ZFP3: variants seen among roughly 807,000 people sequenced by gnomAD.
ZFP3 encodes zinc finger protein 3 homolog.
Under a neutral mutation model 36.7 loss-of-function variants are expected in ZFP3, and 18 were observed. The observed-to-expected ratio is 0.49, with a 90% CI of 0.34 to 0.73. The LOEUF (loss-of-function observed/expected upper bound fraction) is 0.73, where lower values mean the gene tolerates loss of function less well. ZFP3 is among the 30% of genes least tolerant of loss of function. The pLI is 0.01. For missense variants in ZFP3, 495 were observed against 599.0 expected, an observed-to-expected ratio of 0.83 and a Z score of 1.81; for synonymous variants, 218 against 199.0, an observed-to-expected ratio of 1.10 and a Z score of -0.81.
rs2072172657 is a variant in ZFP3 at position 5,094,950 on chromosome 17, A to T, written c.*1937A>T. On this transcript the variant is annotated 3_prime_UTR_variant, in exon 2 of 2. Coordinates refer to ENST00000318833, the MANE Select transcript of ZFP3 (RefSeq NM_153018.3). ...AAGAAGGGGCAGTGTTAAGTAATTG[A>T]CCCATGATTCCACAGCTAGTAAGAG... The T allele has an allele frequency of 6.0e-6, 1 of 167,126 alleles. No individual in the cohort carries two copies. Among genetic ancestry groups the T allele is most frequent in the South Asian group, 2.1e-4 (1 of 4,834 alleles). The allele number at this position is 167,126 out of a possible 1,614,324, so 10.4% of individuals were successfully genotyped here. A position where few individuals can be genotyped will look rare whatever the true frequency, so the allele number is the denominator to read the frequency against.
chr17:5,082,670 A>G (rs2072100489), intron 1 of ZFP3, among the ~76,000 whole-genome samples: 1 of 152,060 alleles, frequency 6.6e-6, no homozygotes, highest in Non-Finnish European at 1.5e-5. Flanking sequence ...TTGGGATTAT[A>G]GGCATTCACC....
intron 1 of ZFP3, among the ~76,000 whole-genome samples, chr17:5,085,457 C>T (rs2072116110): frequency 6.6e-6 from 1 of 152,252 alleles, no homozygotes; most frequent in African/African-American, 2.4e-5. Flanking sequence ...CAAGCCCCGC[C>T]TCCTGGGTTC....
chr17:5,081,294 G>A (rs543774531), intron 1 of ZFP3, among the ~76,000 whole-genome samples: 7 of 151,806 alleles, frequency 4.6e-5, no homozygotes, highest in African/African-American at 1.5e-4. Flanking sequence ...GGGTTTCACC[G>A]TGTTAGCCGT....
chr17:5,086,930 G>A (rs937594946), intron 1 of ZFP3, among the ~76,000 whole-genome samples: 1 of 151,242 alleles, frequency 6.6e-6, no homozygotes, highest in African/African-American at 2.4e-5. Flanking sequence ...GAGTTTCACC[G>A]TGTTAGCCAA....
At position 5,092,623 on chromosome 17, in the gene ZFP3, C is replaced by T. The variant is rs773090125; in HGVS notation, c.1119C>T (p.Ala373=). The change falls in exon 2 of 2, where the codon GCC becomes GCT. Residue 373 remains alanine, a synonymous_variant. Transcript: ENST00000318833. The surrounding 1 kb of genome is among the most constrained non-coding windows in gnomAD (Gnocchi z 5.0). The stretch of plus-strand genomic sequence containing the variant: ...ATGTATGTAAGGAATGTGGGAAGGC[C>T]TTCAGGGGGAACTCAGAACTTCTTA... ...KPYVCKECGK[A]FRGNSELLRH... is the part of the protein sequence containing the mutation. The T allele has an allele frequency of 5.6e-6, 9 of 1,613,878 alleles. No homozygotes were observed. The African/African-American group carries it at 1.2e-4, about 22-fold the overall frequency.
intron 1 of ZFP3, among the ~76,000 whole-genome samples, chr17:5,090,628 G>T (rs1293824563): frequency 9.2e-5 from 14 of 152,100 alleles, no homozygotes. Flanking sequence ...TCATTTTGCA[G>T]TTACTTCCCC....
chr17:5,086,562 C>A (rs6502840), intron 1 of ZFP3, among the ~76,000 whole-genome samples: 7 of 150,730 alleles, frequency 4.6e-5, no homozygotes, highest in Admixed American at 4.6e-4. Context: ...TAGCACTGTC[C>A]GTCTTGGTCT....
intron 1 of ZFP3, among the ~76,000 whole-genome samples, chr17:5,088,728 G>T (rs1335181670): frequency 6.6e-6 from 1 of 152,140 alleles, no homozygotes; most frequent in Non-Finnish European, 1.5e-5. Flanking sequence ...AATTACAGGC[G>T]TGAGCCACCA....
intron 1 of ZFP3, among the ~76,000 whole-genome samples, chr17:5,081,802 C>A (rs573342595): frequency 6.6e-6 from 1 of 150,902 alleles, no homozygotes; most frequent in African/African-American, 2.4e-5. Context: ...GGGGTTTCAC[C>A]GTAATAGGCA....
rs1266402536 is a variant in ZFP3 at position 5,093,590 on chromosome 17, A to G, written c.*577A>G. 6.3e-6 allele frequency: 1 copy of G among 157,874 alleles called. No individual in the cohort carries two copies. The highest frequency in any genetic ancestry group is 2.6e-5 in the African/African-American group (1 of 37,968). The allele number at this position is 157,874 out of a possible 1,614,324, so 9.8% of individuals were successfully genotyped here. A position where few individuals can be genotyped will look rare whatever the true frequency, so the allele number is the denominator to read the frequency against. On this transcript the variant is annotated 3_prime_UTR_variant, in exon 2 of 2. Coordinates refer to ENST00000318833, the MANE Select transcript of ZFP3 (RefSeq NM_153018.3). ...CCCCCTGAAATATTAGAAAGTCATA[A>G]TTTAGAAGACACACCTCATTCTCCT...
chr17:5,084,027 C>T lies in ZFP3; in HGVS notation c.-9+5452C>T, dbSNP rs1175278626. 2.0e-5 allele frequency among the ~76,000 whole-genome samples: 3 copies of T among 151,826 alleles called. No homozygotes were observed. In the East Asian group the frequency reaches 5.8e-4, roughly 29 times the overall value. On this transcript the variant is annotated intron_variant, in intron 1 of 1. Coordinates refer to ENST00000318833, the MANE Select transcript of ZFP3 (RefSeq NM_153018.3). ...GATTATAAGCACCCACCATCATGCCCAGCCAATTTTTGTATTTTTGTAGAG... is the reference window on the plus strand; with the variant it reads ...GATTATAAGCACCCACCATCATGCCTAGCCAATTTTTGTATTTTTGTAGAG...
At chr17:5,089,124 T>C (rs771429829) in intron 1 of ZFP3, among the ~76,000 whole-genome samples, 33 of 152,194 alleles carry the variant, frequency 2.2e-4, no homozygotes, top group Non-Finnish European at 4.1e-4. Context: ...TTATTAGGAA[T>C]AGGTTTGGCC....
chr17:5,092,278 T>TG lies in ZFP3; in HGVS notation c.777dup (p.Lys260GlufsTer4). 1.2e-6 allele frequency: 2 copies of TG among 1,614,156 alleles called. No homozygotes were observed. The highest frequency in any genetic ancestry group is 1.7e-6 in the Non-Finnish European group (2 of 1,180,022). On this transcript the variant is annotated frameshift_variant, in exon 2 of 2. Coordinates refer to ENST00000318833, the MANE Select transcript of ZFP3 (RefSeq NM_153018.3). LOFTEE classifies it high-confidence loss of function. This position sits in a 1 kb window ranked among gnomAD's most constrained non-coding sequence, Gnocchi z 5.0. ...AGAAACCATATGAATGTAATGAATG[T>TG]GGGAAGACCTTTAGGGTTAGTTCAC...
Position 5,078,723 on chromosome 17 carries a change from C to G in ZFP3, c.-9+148C>G, listed in dbSNP as rs1366764988. 1 of 152,914 alleles carries G rather than the reference C, an allele frequency of 6.5e-6. No individual in the cohort carries two copies. The highest frequency in any genetic ancestry group is 6.5e-5 in the Admixed American group (1 of 15,274). The allele number at this position is 152,914 out of a possible 1,614,324, so 9.5% of individuals were successfully genotyped here. On this transcript the variant is annotated intron_variant, in intron 1 of 1. Transcript: ENST00000318833. The surrounding 1 kb of genome is among the most constrained non-coding windows in gnomAD (Gnocchi z 4.5). ...AAGTTTATGCCTCCCTCCATTCCCC[C>G]CGCCCCCAGGCCTTCATTTCCACCT...
At position 5,093,061 on chromosome 17, in the gene ZFP3, T is replaced by C. The variant is rs570944873; in HGVS notation, c.*48T>C. ...AGTGGAAAAGCTAAAGTCCAACTTA[T>C]TCATTTGTTCATAATATGCAAATAT... On this transcript the variant is annotated 3_prime_UTR_variant, in exon 2 of 2. Coordinates refer to ENST00000318833, the MANE Select transcript of ZFP3 (RefSeq NM_153018.3). The C allele has an allele frequency of 4.0e-5, 60 of 1,512,568 alleles. No homozygotes were observed. The highest frequency in any genetic ancestry group is 1.2e-4 in the South Asian group (9 of 73,288). The allele number at this position is 1,512,568 out of a possible 1,614,324, so 93.7% of individuals were successfully genotyped here.
intron 1 of ZFP3, among the ~76,000 whole-genome samples, chr17:5,087,163 C>T (rs927474831): frequency 4.0e-5 from 6 of 150,960 alleles, no homozygotes; most frequent in African/African-American, 1.5e-4. Flanking sequence ...TTACCGCAGC[C>T]TCTACCTCAC....
chr17:5,092,342 T>C lies in ZFP3; in HGVS notation c.838T>C (p.Tyr280His). The C allele has an allele frequency of 6.2e-7, 1 of 1,614,114 alleles. No homozygotes were observed. The highest frequency in any genetic ancestry group is 8.5e-7 in the Non-Finnish European group (1 of 1,180,028). ...QHQRIHTEER[Y>H]HECNECGKAF... ...TCAGAGAATTCATACTGAAGAAAGA[T>C]ACCATGAATGCAATGAGTGTGGCAA... is the stretch of plus-strand genomic sequence containing the variant. The change falls in exon 2 of 2, where the codon TAC (tyrosine) becomes CAC (histidine). Residue 280 changes from tyrosine to histidine, a missense_variant. By Grantham distance (83) the Tyr-to-His change is moderately conservative (BLOSUM62 2). This residue lies in a region of ZFP3 where 103 missense variants were observed against 186.8 expected (regional missense o/e 0.55). Coordinates refer to ENST00000318833, the MANE Select transcript of ZFP3 (RefSeq NM_153018.3). The surrounding 1 kb of genome is among the most constrained non-coding windows in gnomAD (Gnocchi z 5.0).
chr17:5,089,513 T>G (rs1367676964), intron 1 of ZFP3, among the ~76,000 whole-genome samples: 1 of 152,240 alleles, frequency 6.6e-6, no homozygotes, highest in Non-Finnish European at 1.5e-5. Flanking sequence ...GGGAATGTAT[T>G]TTTTTAGCTA....
chr17:5,083,545 CAA>C (rs35689875), intron 1 of ZFP3, among the ~76,000 whole-genome samples: 12 of 138,888 alleles, frequency 8.6e-5, no homozygotes, highest in African/African-American at 1.1e-4. Context: ...AACTCTATCT[CAA>C]AAAAAAAAAA....
Sources: gnomAD v4.1 joint callset for allele counts (sites outside exome capture counted in the v4.1 genomes callset) on GRCh38, gnomAD v4.1.1 for gene constraint, gnomAD v4.1.1 regional missense constraint, Gnocchi (gnomAD v3.1) non-coding constraint, MANE v1.5 for transcripts, NCBI Gene and HGNC (gene_info 2026-07-23, HGNC 2026-07-21) for gene names.